ARHGEF10L: variants seen among roughly 807,000 people sequenced by gnomAD.
ARHGEF10L encodes the protein rho guanine nucleotide exchange factor 10-like protein.
Under a neutral mutation model 141.2 loss-of-function variants are expected in ARHGEF10L, and 69 were observed. The observed-to-expected ratio is 0.49, with a 90% CI of 0.40 to 0.60. The LOEUF (loss-of-function observed/expected upper bound fraction) is 0.60. Ranked by LOEUF, ARHGEF10L falls within the 20% of genes least tolerant of loss-of-function variation. ARHGEF10L has a pLI of 0.00. For synonymous variants in ARHGEF10L, 711 were observed against 718.5 expected (o/e 0.99, Z 0.17); for missense variants, 1,482 against 1,734.3 (o/e 0.85, Z 2.58).
chr1:17,593,871 C>T (rs910047482), intron 4 of ARHGEF10L, among the ~76,000 whole-genome samples: 3 of 151,608 alleles, frequency 2.0e-5, no homozygotes, highest in Non-Finnish European at 4.4e-5. Context: ...GAGAGAGCGT[C>T]ACTTGTCTGT....
chr1:17,676,277 G>GGTGTAT (rs2063710450), intron 26 of ARHGEF10L, among the ~76,000 whole-genome samples: 1 of 148,790 alleles, frequency 6.7e-6, no homozygotes, highest in Non-Finnish European at 1.5e-5. Context: ...TGCAGGTGTA[G>GGTGTAT]TTGCAGGTGT....
intron 6 of ARHGEF10L, among the ~76,000 whole-genome samples, chr1:17,606,363 G>A (rs547330916): frequency 2.7e-5 from 4 of 150,930 alleles, no homozygotes; most frequent in African/African-American, 7.3e-5. Flanking sequence ...GCACGGTCTC[G>A]GCTCACTGCA....
intron 26 of ARHGEF10L, among the ~76,000 whole-genome samples, chr1:17,672,902 AG>A (rs965896297): frequency 2.0e-5 from 3 of 152,054 alleles, no homozygotes; most frequent in African/African-American, 7.2e-5. Context: ...GAGCATCTCA[AG>A]GCATGTCTTG....
intron 4 of ARHGEF10L, among the ~76,000 whole-genome samples, chr1:17,592,214 T>C (rs2079606340): frequency 6.6e-6 from 1 of 152,328 alleles, no homozygotes; most frequent in East Asian, 1.9e-4. Flanking sequence ...CCCTCACCTC[T>C]GAGTGCAATA....
In ARHGEF10L at chr1:17,565,155, G is replaced by A. The variant is rs142021554; in HGVS notation, c.-43-15398G>A. Among the ~76,000 whole-genome samples the A allele has an allele frequency of 2.2e-3, 330 of 152,286 alleles. 2 individuals carry two copies. Among genetic ancestry groups the A allele is most frequent in the African/African-American group, 7.2e-3 (301 of 41,554 alleles). On this transcript the variant is annotated intron_variant, in intron 1 of 28. Transcript: ENST00000361221. ...TGGTACCTTCTCACTGTGTCCCTGCGTGGTGGGAGGGCCTAGCCGGGGCCT... is the reference window on the plus strand; with the variant it reads ...TGGTACCTTCTCACTGTGTCCCTGCATGGTGGGAGGGCCTAGCCGGGGCCT...
chr1:17,691,250 A>AT (rs954630203), intron 27 of ARHGEF10L: 2,261 of 365,760 alleles, frequency 6.2e-3, no homozygotes, highest in East Asian at 8.4e-3. Flanking sequence ...CACCATTAGA[A>AT]TTTTTTTTTT....
the ARHGEF10L span, among the ~76,000 whole-genome samples, chr1:17,532,597 T>TC: frequency 3.4e-5 from 1 of 29,184 alleles, no homozygotes; most frequent in Admixed American, 4.3e-4. Context: ...ACCCTTGATC[T>TC]TTTTTTTTTT....
intron 22 of ARHGEF10L, among the ~76,000 whole-genome samples, chr1:17,652,873 G>A (rs965456976): frequency 5.9e-5 from 9 of 152,140 alleles, no homozygotes; most frequent in Non-Finnish European, 1.2e-4. Flanking sequence ...TCTGTGGCCA[G>A]GCTTGCTTAG....
intron 1 of ARHGEF10L, among the ~76,000 whole-genome samples, chr1:17,553,481 T>G (rs1285572771): frequency 6.6e-6 from 1 of 152,166 alleles, no homozygotes; most frequent in African/African-American, 2.4e-5. Flanking sequence ...GTGAACCCTC[T>G]ATAGTTTGAC....
At chr1:17,665,723 C>T (rs189102346) in intron 26 of ARHGEF10L, among the ~76,000 whole-genome samples, 31 of 152,290 alleles carry the variant, frequency 2.0e-4, no homozygotes, top group African/African-American at 7.5e-4. Context: ...TCCAGAGGAA[C>T]AGAACCAATG....
upstream of ARHGEF10L, among the ~76,000 whole-genome samples, chr1:17,536,355 C>T (rs1485057471): frequency 6.6e-6 from 1 of 152,096 alleles, no homozygotes; most frequent in Non-Finnish European, 1.5e-5. Flanking sequence ...ATGGTGCACA[C>T]CTGTAGTCTC....
chr1:17,688,887 C>T (rs1364325731), intron 27 of ARHGEF10L, among the ~76,000 whole-genome samples: 1 of 152,148 alleles, frequency 6.6e-6, no homozygotes, highest in African/African-American at 2.4e-5. Context: ...CACGATGGTC[C>T]TTGAGTCTGA....
In ARHGEF10L at chr1:17,687,652, TCTC is replaced by T. The variant is rs1271253786; in HGVS notation, c.3094_3096del (p.Ser1032del). 1 of 1,612,524 alleles carries T rather than the reference TCTC, an allele frequency of 6.2e-7. No homozygotes were observed. The highest frequency in any genetic ancestry group is 2.2e-5 in the East Asian group (1 of 44,832). On this transcript the variant is annotated inframe_deletion, in exon 27 of 29. Coordinates refer to ENST00000361221, the MANE Select transcript of ARHGEF10L (RefSeq NM_018125.4). The stretch of plus-strand genomic sequence containing the variant: ...GCGGGCAGCGGCGTCTGGATGGCCT[TCTC>T]CTCCGGCACCTCCATCCGCCTCTTC...
At chr1:17,604,960 T>A (rs985643591) in intron 6 of ARHGEF10L, 10 of 152,102 alleles carry the variant, frequency 6.6e-5, no homozygotes, top group African/African-American at 2.4e-4. Flanking sequence ...ACACAGCCTG[T>A]GTTTGCACCC....
In ARHGEF10L at chr1:17,697,353, C is replaced by T. The variant is rs775217087; in HGVS notation, c.3813C>T (p.Leu1271=). The change falls in exon 29 of 29, where the codon CTC becomes CTT. Residue 1271 remains leucine (L), a synonymous_variant. Transcript: ENST00000361221. This position sits in a 1 kb window ranked among gnomAD's most constrained non-coding sequence, Gnocchi z 4.8. ...GTGGGGAGACGGACAGCACCCTCCT[C>T]ATCTGGCAGGTGCCCTTGATGCTAT... ...APCGETDSTL[L]IWQVPLML 2 of 1,601,916 alleles carry T rather than the reference C, an allele frequency of 1.2e-6. No individual in the cohort carries two copies. Among genetic ancestry groups the T allele is most frequent in the Non-Finnish European group, 1.7e-6 (2 of 1,172,306 alleles).
intron 27 of ARHGEF10L, among the ~76,000 whole-genome samples, chr1:17,688,318 G>C (rs935990053): frequency 6.6e-6 from 1 of 152,182 alleles, no homozygotes; most frequent in East Asian, 1.9e-4. Flanking sequence ...GAATGGCGGC[G>C]AAGGATTAAG....
Position 17,587,612 on chromosome 1 carries a change from C to A in ARHGEF10L, c.190C>A (p.Pro64Thr). ...SLAPERDTDP[P>T]LIHLDSIPVT... ...TGCTCCTGAGAGGGACACAGACCCC[C>A]CACTGATCCACTTGGACTCCATCCC... The change falls in exon 3 of 29, where the codon CCA (proline) becomes ACA (threonine). Residue 64 changes from proline to threonine, a missense_variant. Physicochemically the swap from Pro to Thr is conservative, Grantham distance 38. This residue lies in a region of ARHGEF10L where 232 missense variants were observed against 225.9 expected (regional missense o/e 1.03). Coordinates refer to ENST00000361221, the MANE Select transcript of ARHGEF10L (RefSeq NM_018125.4). The A allele has an allele frequency of 2.5e-6, 4 of 1,613,866 alleles. No individual in the cohort carries two copies. The highest frequency in any genetic ancestry group is 3.4e-6 in the Non-Finnish European group (4 of 1,179,902).
chr1:17,643,697 G>GC (rs1460253919), intron 21 of ARHGEF10L, among the ~76,000 whole-genome samples: 1 of 152,108 alleles, frequency 6.6e-6, no homozygotes, highest in Non-Finnish European at 1.5e-5. Flanking sequence ...AAATGCCAGT[G>GC]CCCCCTGCAC....
intron 22 of ARHGEF10L, among the ~76,000 whole-genome samples, chr1:17,651,651 A>G (rs2061944084): frequency 6.6e-6 from 1 of 152,138 alleles, no homozygotes; most frequent in Non-Finnish European, 1.5e-5. Flanking sequence ...CTGGGGAACC[A>G]GGGCCCACGA....
Sources: allele counts gnomAD v4.1 joint callset (sites outside exome capture counted in the v4.1 genomes callset), GRCh38; gene constraint gnomAD v4.1.1; regional missense constraint gnomAD v4.1.1; non-coding constraint Gnocchi (gnomAD v3.1); transcripts MANE v1.5; gene names NCBI Gene and HGNC (gene_info 2026-07-23, HGNC 2026-07-21).